The following SNRPF variants were observed in gnomAD, a reference collection of about 807,000 sequenced individuals.
SNRPF encodes the protein small nuclear ribonucleoprotein F.
SNRPF carries 1 observed loss-of-function variant against 13.4 expected under a neutral mutation model. That is an observed-to-expected ratio of 0.07 (90% CI 0.03 to 0.35). The LOEUF (loss-of-function observed/expected upper bound fraction) is 0.35, where lower values mean the gene tolerates loss of function less well. Ranked by LOEUF, SNRPF falls within the 10% of genes least tolerant of loss-of-function variation. SNRPF has a pLI of 0.99. For missense variants in SNRPF, 53 were observed against 101.0 expected, an observed-to-expected ratio of 0.52 and a Z score of 2.04; for synonymous variants, 27 against 32.1, an observed-to-expected ratio of 0.84 and a Z score of 0.54.
At chr12:95,860,872 T>TA (rs2079492575) in intron 1 of SNRPF, among the ~76,000 whole-genome samples, 1 of 149,514 alleles carries the variant, frequency 6.7e-6, no homozygotes, top group Non-Finnish European at 1.5e-5. Flanking sequence ...TTTTTTTTTT[T>TA]AGTGCCTTTA....
chr12:95,860,852 C>CTTTTTTTTT (rs10689270), intron 1 of SNRPF, among the ~76,000 whole-genome samples: 1 of 96,562 alleles, frequency 1.0e-5, no homozygotes, highest in Non-Finnish European at 2.0e-5. Flanking sequence ...ACCTGGCCCG[C>CTTTTTTTTT]TTTTTTTTTT....
intron 1 of SNRPF, 133 bp downstream of exon 1, chr12:95,859,209 C>T (rs910332869): frequency 1.9e-5 from 14 of 738,076 alleles, no homozygotes; most frequent in Non-Finnish European, 3.2e-5. Context: ...TCGCCAGCTC[C>T]TTTCACTCTG....
In SNRPF at chr12:95,865,707, C is replaced by A. The variant is rs141074628; in HGVS notation, c.195-298C>A. 5.3e-4 allele frequency among the ~76,000 whole-genome samples: 80 copies of A among 152,064 alleles called. 2 individuals carry two copies. In the East Asian group the frequency reaches 0.014, roughly 27 times the overall value. On this transcript the variant is annotated intron_variant, in intron 3 of 3. Coordinates refer to ENST00000266735, the MANE Select transcript of SNRPF (RefSeq NM_003095.5). ...AGTTTTGAATTTTAGTTGGGTCTGG[C>A]TGTTTTGTTATATTGATTTTCTGTA...
chr12:95,861,343 C>T (rs781697747), intron 2 of SNRPF, 50 bp downstream of exon 2: 44 of 1,547,560 alleles, frequency 2.8e-5, no homozygotes, highest in Non-Finnish European at 3.4e-5. Flanking sequence ...TTTTGCTTCA[C>T]CTTATTTCTC....
Position 95,866,022 on chromosome 12 carries a change from A to G in SNRPF, c.212A>G (p.Tyr71Cys). ...EVLIRCNNVLYIRGVEEEEED... is the reference protein window; with the variant it reads ...EVLIRCNNVLCIRGVEEEEED... ...ATTTACAGGTGTAATAATGTCCTTT[A>G]TATCAGAGGTGTGGAAGAAGAGGAA... The change falls in exon 4 of 4, where the codon TAT becomes TGT. Residue 71 changes from tyrosine (Y) to cysteine (C), a missense_variant. Tyr to Cys is a radical substitution (Grantham distance 194, BLOSUM62 -2). Coordinates refer to ENST00000266735, the MANE Select transcript of SNRPF (RefSeq NM_003095.5). The G allele has an allele frequency of 6.5e-7, 1 of 1,544,126 alleles. No homozygotes were observed. Among genetic ancestry groups the G allele is most frequent in the Non-Finnish European group, 8.9e-7 (1 of 1,128,368 alleles).
At chr12:95,860,852 C>CTTTTTTT (rs10689270) in intron 1 of SNRPF, among the ~76,000 whole-genome samples, 4 of 96,552 alleles carry the variant, frequency 4.1e-5, no homozygotes, top group South Asian at 4.1e-4. Flanking sequence ...ACCTGGCCCG[C>CTTTTTTT]TTTTTTTTTT....
At chr12:95,859,572 C>T (rs2079484502) in intron 1 of SNRPF, among the ~76,000 whole-genome samples, 1 of 152,036 alleles carries the variant, frequency 6.6e-6, no homozygotes, top group Admixed American at 6.6e-5. Flanking sequence ...TCAGAGATGG[C>T]CTCCCTAGGA....
rs1160140219 is a variant in SNRPF at position 95,865,985 on chromosome 12, T to C, written c.195-20T>C. 7.9e-6 allele frequency: 10 copies of C among 1,258,186 alleles called. No individual in the cohort carries two copies. Among genetic ancestry groups the C allele is most frequent in the Non-Finnish European group, 1.1e-5 (10 of 879,164 alleles). The allele number at this position is 1,258,186 out of a possible 1,614,324, so 77.9% of individuals were successfully genotyped here. Reference sequence around the variant, plus strand: ...ATGGTTTCTGGTTGGAACAACAAAATCGACTTTTTCTATTTACAGGTGTAA... The same window carrying C: ...ATGGTTTCTGGTTGGAACAACAAAACCGACTTTTTCTATTTACAGGTGTAA... On this transcript the variant is annotated intron_variant, in intron 3 of 3. Coordinates refer to ENST00000266735, the MANE Select transcript of SNRPF (RefSeq NM_003095.5).
chr12:95,865,251 C>T (rs967081745), intron 2 of SNRPF, 73 bp from the exon 3 acceptor site: 12 of 695,160 alleles, frequency 1.7e-5, no homozygotes, highest in Non-Finnish European at 2.8e-5. Flanking sequence ...AATGAGTTCT[C>T]TCACCAATAT....
intron 2 of SNRPF, chr12:95,864,971 T>C (rs2079513942): frequency 6.3e-6 from 1 of 158,762 alleles, no homozygotes; most frequent in Non-Finnish European, 1.4e-5. Context: ...ATAAAAGTAT[T>C]TGGCATGTTA....
At chr12:95,859,795 A>G (rs909336554) in intron 1 of SNRPF, among the ~76,000 whole-genome samples, 1 of 152,200 alleles carries the variant, frequency 6.6e-6, no homozygotes, top group South Asian at 2.1e-4. Flanking sequence ...AGGACCTCTT[A>G]GGCTGTATTG....
intron 2 of SNRPF, among the ~76,000 whole-genome samples, chr12:95,864,300 T>C (rs187747915): frequency 3.9e-5 from 6 of 152,338 alleles, no homozygotes. Context: ...AACCTCCCTC[T>C]CTCCCATCAC....
chr12:95,864,482 CATA>C (rs1272339825), intron 2 of SNRPF, among the ~76,000 whole-genome samples: 3 of 152,244 alleles, frequency 2.0e-5, no homozygotes, highest in Non-Finnish European at 4.4e-5. Flanking sequence ...ACATTCGATT[CATA>C]ATAATACCAT....
rs552855192 is a variant in SNRPF, at chr12:95,858,990, A to G, written c.-84A>G. 4 of 1,590,048 alleles carry G rather than the reference A, an allele frequency of 2.5e-6. No individual in the cohort carries two copies. In the East Asian group the frequency reaches 6.9e-5, roughly 27 times the overall value. ...ATTTCTCTTGAAACTGCGGCTCGGG[A>G]CCTGCGGTACCTGCTGTAGTCACGA... On this transcript the variant is annotated 5_prime_UTR_variant, in exon 1 of 4. Transcript: ENST00000266735.
In SNRPF at chr12:95,865,304, A is replaced by T; in HGVS notation, c.130-20A>T. On this transcript the variant is annotated intron_variant, in intron 2 of 3. Transcript: ENST00000266735. ...TTTCCTCCTGTGTGATTATACTAAT[A>T]TATTTCTTTTTATTGAAAGCTTGCA... The T allele has an allele frequency of 7.9e-7, 1 of 1,261,862 alleles. No homozygotes were observed. The highest frequency in any genetic ancestry group is 1.5e-5 in the African/African-American group (1 of 68,244). 78.2% of individuals were successfully genotyped at this position (1,261,862 alleles called of 1,614,324 possible).
chr12:95,865,478 A>C, intron 3 of SNRPF, 90 bp downstream of exon 3: 1 of 599,116 alleles, frequency 1.7e-6, no homozygotes, highest in Admixed American at 2.6e-5. Context: ...TTTTGGAATT[A>C]CTTTTTTTTA....
chr12:95,863,108 G>C (rs1287014140), intron 2 of SNRPF, among the ~76,000 whole-genome samples: 1 of 152,092 alleles, frequency 6.6e-6, no homozygotes, highest in Non-Finnish European at 1.5e-5. Context: ...CTTGTAAGCA[G>C]AGTACTAAAA....
intron 2 of SNRPF, among the ~76,000 whole-genome samples, chr12:95,863,062 G>C (rs2079503572): frequency 3.3e-5 from 5 of 152,068 alleles, no homozygotes; most frequent in Admixed American, 3.3e-4. Flanking sequence ...TATCAAGACA[G>C]GTGGTCAATC....
chr12:95,864,850 A>G (rs540036138), intron 2 of SNRPF, among the ~76,000 whole-genome samples: 1 of 152,336 alleles, frequency 6.6e-6, no homozygotes, highest in East Asian at 1.9e-4. Context: ...TTGGTCAGCT[A>G]TGATTGTGCC....
Sources: gnomAD v4.1 joint callset for allele counts (sites outside exome capture counted in the v4.1 genomes callset) on GRCh38, gnomAD v4.1.1 for gene constraint, MANE v1.5 for transcripts, NCBI Gene and HGNC (gene_info 2026-07-23, HGNC 2026-07-21) for gene names.